The following VASN variants were observed in gnomAD, a reference collection of about 807,000 sequenced individuals.
The protein encoded by VASN is vasorin.
Under a neutral mutation model 4.8 loss-of-function variants are expected in VASN, and 5 were observed. That is an observed-to-expected ratio of 1.03 (90% CI 0.54 to 2.17). The LOEUF (loss-of-function observed/expected upper bound fraction) is 2.17, where lower values mean the gene tolerates loss of function less well. Ranked by LOEUF, VASN falls within the 30% of genes most tolerant of loss-of-function variation. The pLI is 0.01. For synonymous variants in VASN, 499 were observed against 460.8 expected (o/e 1.08, Z -1.06); for missense variants, 927 against 948.8 (o/e 0.98, Z 0.30).
chr16:4,379,775 G>A (rs2054882765), intron 1 of VASN, among the ~76,000 whole-genome samples: 1 of 151,644 alleles, frequency 6.6e-6, no homozygotes, highest in South Asian at 2.1e-4. Flanking sequence ...GGGCACGGTG[G>A]CTCATGCCTG....
In VASN at chr16:4,381,593, G is replaced by A. The variant is rs1025755924; in HGVS notation, c.716G>A (p.Arg239Gln). ...GTGCCACCTGTGATCCGAGGCCTCC[G>A]GGGCCTGACGCGCCTGCGGCTGGCC... Reference protein sequence around the residue: ...ERVPPVIRGLRGLTRLRLAGN... With the variant: ...ERVPPVIRGLQGLTRLRLAGN... Residue 239 changes from arginine to glutamine, a missense_variant, in exon 2 of 2, where the codon CGG (arginine) becomes CAG (glutamine). By Grantham distance (43) the Arg-to-Gln change is conservative. Transcript: ENST00000304735. The A allele has an allele frequency of 4.4e-6, 7 of 1,600,958 alleles. No homozygotes were observed. The highest frequency in any genetic ancestry group is 2.7e-5 in the African/African-American group (2 of 74,740).
chr16:4,377,522 G>A (rs1421860956), intron 1 of VASN, among the ~76,000 whole-genome samples: 1 of 152,212 alleles, frequency 6.6e-6, no homozygotes, highest in African/African-American at 2.4e-5. Context: ...TACAACTCCA[G>A]AGGGTGAGGG....
At position 4,382,446 on chromosome 16, in the gene VASN, C is replaced by T; in HGVS notation, c.1569C>T (p.Thr523=). 1.2e-6 allele frequency: 2 copies of T among 1,609,612 alleles called. No homozygotes were observed. Among genetic ancestry groups the T allele is most frequent in the Non-Finnish European group, 1.7e-6 (2 of 1,178,500 alleles). ...CCTCGCTCGCTGAGTACACGGTCAC[C>T]CAGCTGCGGCCCAACGCCACTTACT... ...LPASLAEYTV[T]QLRPNATYSV... Residue 523 remains threonine, a synonymous_variant, in exon 2 of 2, where the codon ACC becomes ACT. Coordinates refer to ENST00000304735, the MANE Select transcript of VASN (RefSeq NM_138440.3).
At position 4,382,976 on chromosome 16, in the gene VASN, G is replaced by T. The variant is rs540601047; in HGVS notation, c.*77G>T. On this transcript the variant is annotated 3_prime_UTR_variant, in exon 2 of 2. Coordinates refer to ENST00000304735, the MANE Select transcript of VASN (RefSeq NM_138440.3). ...CAGCCCCCTCCTGCTGCCACACCACGTAAGTTCTCAGTCCCAACCTCGGGG... is the reference window on the plus strand; with the variant it reads ...CAGCCCCCTCCTGCTGCCACACCACTTAAGTTCTCAGTCCCAACCTCGGGG... 8.5e-6 allele frequency: 12 copies of T among 1,409,812 alleles called. No homozygotes were observed. The East Asian group carries it at 1.3e-4, about 15-fold the overall frequency. The allele number at this position is 1,409,812 out of a possible 1,614,324, so 87.3% of individuals were successfully genotyped here.
rs2054546770 is a variant in VASN, at chr16:4,371,943, CTG to C, written c.-59_-58del. ...CTCGGGCCCGACCCGCCAGGAAAGACTGAGGCCGCGGCCTGCCCCGCCCGGCT... is the reference window on the plus strand; with the variant it reads ...CTCGGGCCCGACCCGCCAGGAAAGACAGGCCGCGGCCTGCCCCGCCCGGCT... On this transcript the variant is annotated 5_prime_UTR_variant, in exon 1 of 2. Coordinates refer to ENST00000304735, the MANE Select transcript of VASN (RefSeq NM_138440.3). 1 of 152,480 alleles carries C rather than the reference CTG, an allele frequency of 6.6e-6. No homozygotes were observed. The highest frequency in any genetic ancestry group is 1.5e-5 in the Non-Finnish European group (1 of 68,108). 9.4% of individuals were successfully genotyped at this position (152,480 alleles called of 1,614,324 possible).
intron 1 of VASN, among the ~76,000 whole-genome samples, chr16:4,375,091 C>T (rs958532071): frequency 1.3e-5 from 2 of 152,190 alleles, no homozygotes; most frequent in Non-Finnish European, 2.9e-5. Flanking sequence ...TCCTCCCTGA[C>T]AGGTTGCACC....
intron 1 of VASN, among the ~76,000 whole-genome samples, chr16:4,372,536 G>A (rs575655089): frequency 6.6e-6 from 1 of 152,314 alleles, no homozygotes; most frequent in East Asian, 1.9e-4. Flanking sequence ...GGTGGGGGAT[G>A]GACCTGTACT....
At position 4,382,697 on chromosome 16, in the gene VASN, C is replaced by T. The variant is rs1052389571; in HGVS notation, c.1820C>T (p.Ala607Val). 1.3e-6 allele frequency: 2 copies of T among 1,546,982 alleles called. No individual in the cohort carries two copies. Among genetic ancestry groups the T allele is most frequent in the East Asian group, 4.9e-5 (2 of 40,992 alleles). ...YCVRRGRAMA[A>V]AAQDKGQVGP... ...GTGCGGCGGGGGCGGGCCATGGCAG[C>T]AGCGGCTCAGGACAAAGGGCAGGTG... The change falls in exon 2 of 2, where the codon GCA becomes GTA. Residue 607 changes from alanine to valine, a missense_variant. By Grantham distance (64) the Ala-to-Val change is moderately conservative. Coordinates refer to ENST00000304735, the MANE Select transcript of VASN (RefSeq NM_138440.3).
At chr16:4,377,769 C>T (rs1156519424) in intron 1 of VASN, among the ~76,000 whole-genome samples, 1 of 152,206 alleles carries the variant, frequency 6.6e-6, no homozygotes, top group Non-Finnish European at 1.5e-5. Flanking sequence ...CTGCCTCCTC[C>T]CTCCTCCCTT....
Position 4,381,142 on chromosome 16 carries a change from G to C in VASN, c.265G>C (p.Ala89Pro). 1 of 1,610,184 alleles carries C rather than the reference G, an allele frequency of 6.2e-7. No homozygotes were observed. Among genetic ancestry groups the C allele is most frequent in the Non-Finnish European group, 8.5e-7 (1 of 1,178,882 alleles). Residue 89 changes from alanine (A) to proline (P), a missense_variant, in exon 2 of 2, where the codon GCC becomes CCC. By Grantham distance (27) the Ala-to-Pro change is conservative. Coordinates refer to ENST00000304735, the MANE Select transcript of VASN (RefSeq NM_138440.3). ...QLLDLSQNQI[A>P]SLPSGVFQPL... ...CCTGGACCTGTCACAGAACCAGATC[G>C]CCAGCCTGCCCAGCGGGGTCTTCCA...
chr16:4,381,898 G>C lies in VASN; in HGVS notation c.1021G>C (p.Glu341Gln). The C allele has an allele frequency of 1.9e-6, 3 of 1,606,064 alleles. No homozygotes were observed. Among genetic ancestry groups the C allele is most frequent in the Admixed American group, 1.7e-5 (1 of 59,908 alleles). ...CAAGAACGCTGGCCGGCTGCTCCTG[G>C]AGCTTGACTACGCCGACTTTGGCTG... ...PPKNAGRLLLELDYADFGCPA... is the reference protein window; with the variant it reads ...PPKNAGRLLLQLDYADFGCPA... The change falls in exon 2 of 2, where the codon GAG becomes CAG. Residue 341 changes from glutamate (E) to glutamine (Q), a missense_variant. Physicochemically the swap from Glu to Gln is conservative, Grantham distance 29. Coordinates refer to ENST00000304735, the MANE Select transcript of VASN (RefSeq NM_138440.3).
At chr16:4,374,342 C>A (rs1250900377) in intron 1 of VASN, among the ~76,000 whole-genome samples, 1 of 152,124 alleles carries the variant, frequency 6.6e-6, no homozygotes, top group African/African-American at 2.4e-5. Context: ...TCATTCCAGC[C>A]TCCCTGGGTG....
chr16:4,382,570 C>A lies in VASN; in HGVS notation c.1693C>A (p.Pro565Thr). The change falls in exon 2 of 2, where the codon CCA becomes ACA. Residue 565 changes from proline to threonine, a missense_variant. Coordinates refer to ENST00000304735, the MANE Select transcript of VASN (RefSeq NM_138440.3). The stretch of plus-strand genomic sequence containing the variant: ...CCCAGCCGTCCACTCCAACCACGCC[C>A]CAGTCACCCAGGCCCGCGAGGGCAA... ...TPPAVHSNHA[P>T]VTQAREGNLP... 2 of 1,593,678 alleles carry A rather than the reference C, an allele frequency of 1.3e-6. No individual in the cohort carries two copies. Among genetic ancestry groups the A allele is most frequent in the South Asian group, 2.3e-5 (2 of 88,562 alleles).
intron 1 of VASN, among the ~76,000 whole-genome samples, chr16:4,374,086 C>CGT (rs112578905): frequency 0.075 from 11,123 of 148,680 alleles, 625 homozygotes; most frequent in African/African-American, 0.16. Context: ...GGAGGGTGCA[C>CGT]GTGTGTGTGT....
Position 4,381,030 on chromosome 16 carries a change from A to C in VASN, c.153A>C (p.Pro51=). The change falls in exon 2 of 2, where the codon CCA becomes CCC. Residue 51 remains proline, a synonymous_variant. Coordinates refer to ENST00000304735, the MANE Select transcript of VASN (RefSeq NM_138440.3). ...GGACCACGGTGCCCCGAGACGTGCC[A>C]CCCGACACGGTGGGGCTGTACGTCT... ...RQGTTVPRDV[P]PDTVGLYVFE... The C allele has an allele frequency of 1.2e-6, 2 of 1,610,112 alleles. No homozygotes were observed. Among genetic ancestry groups the C allele is most frequent in the South Asian group, 2.2e-5 (2 of 90,636 alleles).
rs761665061 is a variant in VASN at position 4,382,761 on chromosome 16, G to A, written c.1884G>A (p.Lys628=). The change falls in exon 2 of 2, where the codon AAG becomes AAA. Residue 628 remains lysine (K), a synonymous_variant. Transcript: ENST00000304735. ...GGCCCCTGGAACTGGAGGGAGTGAAGGTCCCCTTGGAGCCAGGCCCGAAGG... is the reference window on the plus strand; with the variant it reads ...GGCCCCTGGAACTGGAGGGAGTGAAAGTCCCCTTGGAGCCAGGCCCGAAGG... ...GAGPLELEGV[K]VPLEPGPKAT... 3 of 1,563,628 alleles carry A rather than the reference G, an allele frequency of 1.9e-6. No individual in the cohort carries two copies. Among genetic ancestry groups the A allele is most frequent in the Non-Finnish European group, 1.7e-6 (2 of 1,154,834 alleles).
Position 4,381,167 on chromosome 16 carries a change from A to G in VASN, c.290A>G (p.Gln97Arg). Residue 97 changes from glutamine (Q) to arginine (R), a missense_variant, in exon 2 of 2, where the codon CAG becomes CGG. Transcript: ENST00000304735. ...GCCAGCCTGCCCAGCGGGGTCTTCC[A>G]GCCACTCGCCAACCTCAGCAACCTG... Reference protein sequence around the residue: ...QIASLPSGVFQPLANLSNLDL... With the variant: ...QIASLPSGVFRPLANLSNLDL... 1 of 1,611,604 alleles carries G rather than the reference A, an allele frequency of 6.2e-7. No individual in the cohort carries two copies. Among genetic ancestry groups the G allele is most frequent in the Non-Finnish European group, 8.5e-7 (1 of 1,179,186 alleles).
At chr16:4,376,363 C>A (rs1434429848) in intron 1 of VASN, among the ~76,000 whole-genome samples, 2 of 152,212 alleles carry the variant, frequency 1.3e-5, no homozygotes, top group African/African-American at 4.8e-5. Flanking sequence ...CCAGGCCTGA[C>A]CGGCCACACA....
At chr16:4,380,107 G>A (rs2054899938) in intron 1 of VASN, among the ~76,000 whole-genome samples, 1 of 150,122 alleles carries the variant, frequency 6.7e-6, no homozygotes, top group Non-Finnish European at 1.5e-5. Flanking sequence ...GTTTTCCCAG[G>A]CCTGGCACTG....
Sources: gnomAD v4.1 joint callset for allele counts (sites outside exome capture counted in the v4.1 genomes callset) on GRCh38, gnomAD v4.1.1 for gene constraint, MANE v1.5 for transcripts, NCBI Gene and HGNC (gene_info 2026-07-23, HGNC 2026-07-21) for gene names.